Variants in ZRANB3 observed in about 807,000 individuals in gnomAD.
The protein encoded by ZRANB3 is DNA annealing helicase and endonuclease ZRANB3.
Under a neutral mutation model 133.8 loss-of-function variants are expected in ZRANB3, and 125 were observed. That is an observed-to-expected ratio of 0.93 (90% CI 0.81 to 1.08). The LOEUF (loss-of-function observed/expected upper bound fraction) is 1.08. Among genes scored for constraint, ZRANB3 ranks in the 50% least tolerant of loss-of-function variants. The pLI is 0.00. For missense variants in ZRANB3, 1,229 were observed against 1,275.5 expected (o/e 0.96, Z 0.56); for synonymous variants, 387 against 432.7 (o/e 0.89, Z 1.31).
At chr2:135,361,033 G>A (rs185663306) in intron 3 of ZRANB3, among the ~76,000 whole-genome samples, 169 of 152,248 alleles carry the variant, frequency 1.1e-3, no homozygotes, top group African/African-American at 4.0e-3. Flanking sequence ...TCCTGCCTTG[G>A]CCTCCCAAAG....
chr2:135,384,425 G>A (rs1686867261), intron 3 of ZRANB3, among the ~76,000 whole-genome samples: 1 of 152,138 alleles, frequency 6.6e-6, no homozygotes, highest in South Asian at 2.1e-4. Context: ...ACAATGAGGA[G>A]CTGGTACCAT....
intron 8 of ZRANB3, among the ~76,000 whole-genome samples, chr2:135,312,123 A>T (rs1278722624): frequency 9.9e-6 from 1 of 100,608 alleles, no homozygotes; most frequent in Non-Finnish European, 1.8e-5. Context: ...TTATTTTTTT[A>T]TTTTATTTTA....
chr2:135,229,385 T>G lies in ZRANB3; in HGVS notation c.1954+1128A>C. ...GCCAATATTTTTTTTTTTTTTTTTT[T>G]GAGACGGAGTCTCGCTCTGTTGCCC... On this transcript the variant is annotated intron_variant, in intron 13 of 20. Coordinates refer to ENST00000264159, the MANE Select transcript of ZRANB3 (RefSeq NM_032143.4). Among the ~76,000 whole-genome samples, 2 of 147,306 alleles carry G rather than the reference T, an allele frequency of 1.4e-5. 1 individual carries two copies. The highest frequency in any genetic ancestry group is 4.2e-4 in the South Asian group (2 of 4,772).
chr2:135,274,697 A>C lies in ZRANB3; in HGVS notation c.1086+939T>G, dbSNP rs554380442. Among the ~76,000 whole-genome samples, 9 of 152,068 alleles carry C rather than the reference A, an allele frequency of 5.9e-5. No individual in the cohort carries two copies. The East Asian group carries it at 1.7e-3, about 29-fold the overall frequency. On this transcript the variant is annotated intron_variant, in intron 9 of 20. Coordinates refer to ENST00000264159, the MANE Select transcript of ZRANB3 (RefSeq NM_032143.4). ...GAGGGGGATTTGGCAGGGTCATAGG[A>C]CAATAGTGGAGGGAAGGTCAGCAGA...
intron 8 of ZRANB3, among the ~76,000 whole-genome samples, chr2:135,300,901 C>A (rs2104808384): frequency 6.6e-6 from 1 of 152,324 alleles, no homozygotes; most frequent in East Asian, 1.9e-4. Flanking sequence ...ATCCACTGTA[C>A]CTGACTGCTA....
chr2:135,473,099 T>A (rs564027804), intron 2 of ZRANB3, among the ~76,000 whole-genome samples: 5 of 152,180 alleles, frequency 3.3e-5, no homozygotes, highest in Non-Finnish European at 7.3e-5. Context: ...ACTATCCATC[T>A]CCTGAACTTT....
chr2:135,399,069 T>C (rs1162883565), intron 2 of ZRANB3, among the ~76,000 whole-genome samples: 3 of 152,194 alleles, frequency 2.0e-5, no homozygotes, highest in Non-Finnish European at 4.4e-5. Context: ...ATGATGATTC[T>C]GGAGAAGATA....
At chr2:135,370,033 CTTTTTTT>C (rs548070677) in intron 3 of ZRANB3, among the ~76,000 whole-genome samples, 34 of 119,368 alleles carry the variant, frequency 2.8e-4, no homozygotes, top group African/African-American at 7.9e-4. Flanking sequence ...GGGCATGTTT[CTTTTTTT>C]TTTTTTTTTT....
At chr2:135,403,084 T>C (rs1190338115) in intron 2 of ZRANB3, among the ~76,000 whole-genome samples, 2 of 152,034 alleles carry the variant, frequency 1.3e-5, no homozygotes, top group African/African-American at 4.8e-5. Flanking sequence ...CTCATCTCAC[T>C]GGGGAGTGTC....
At chr2:135,445,470 A>G (rs1689977680) in intron 2 of ZRANB3, among the ~76,000 whole-genome samples, 1 of 152,010 alleles carries the variant, frequency 6.6e-6, no homozygotes, top group Non-Finnish European at 1.5e-5. Context: ...AGGGGAAAAT[A>G]GTGTGCTTTT....
rs372497482 is a variant in ZRANB3, at chr2:135,207,790, T to C, written c.2653A>G (p.Thr885Ala). The change falls in exon 19 of 21, where the codon ACA (threonine) becomes GCA (alanine). Residue 885 changes from threonine to alanine, a missense_variant. Physicochemically the swap from Thr to Ala is moderately conservative, Grantham distance 58. Transcript: ENST00000264159. ...GACVPFLNPY[T>A]VQADLTVKPS... ...TTCACAGTGAGATCTGCCTGGACTG[T>C]GTATGGATTTAGAAATGGGACACAG... 3 of 1,605,038 alleles carry C rather than the reference T, an allele frequency of 1.9e-6. No homozygotes were observed. The highest frequency in any genetic ancestry group is 2.6e-6 in the Non-Finnish European group (3 of 1,172,366).
chr2:135,224,571 T>TA, intron 14 of ZRANB3, 54 bp from the exon 15 acceptor site: 5 of 1,307,684 alleles, frequency 3.8e-6, no homozygotes, highest in Non-Finnish European at 5.4e-6. Flanking sequence ...CTATCTAAAA[T>TA]AGCTTATTTT....
chr2:135,510,855 T>A lies in ZRANB3; in HGVS notation c.-7-6359A>T, dbSNP rs1226289814. The stretch of plus-strand genomic sequence containing the variant: ...AATGTGCAACTCCACCACGTTCCCA[T>A]AATTTTGAAAGAAATCTTTAAGCTC... On this transcript the variant is annotated intron_variant, in intron 1 of 20. Coordinates refer to ENST00000264159, the MANE Select transcript of ZRANB3 (RefSeq NM_032143.4). 7.2e-6 allele frequency: 8 copies of A among 1,117,752 alleles called. No individual in the cohort carries two copies. The African/African-American group carries it at 1.2e-4, about 17-fold the overall frequency. 69.2% of individuals were successfully genotyped at this position (1,117,752 alleles called of 1,614,324 possible).
At chr2:135,506,392 A>G (rs1693192123) in intron 1 of ZRANB3, among the ~76,000 whole-genome samples, 1 of 152,166 alleles carries the variant, frequency 6.6e-6, no homozygotes, top group Non-Finnish European at 1.5e-5. Context: ...TTCATCTCAA[A>G]AAAAAGAAAA....
intron 2 of ZRANB3, among the ~76,000 whole-genome samples, chr2:135,495,946 T>C (rs1692641724): frequency 6.6e-6 from 1 of 152,214 alleles, no homozygotes; most frequent in Non-Finnish European, 1.5e-5. Context: ...AAATTAATGA[T>C]CAAAATTCAT....
chr2:135,261,236 C>T (rs1204167263), intron 12 of ZRANB3, among the ~76,000 whole-genome samples: 2 of 152,154 alleles, frequency 1.3e-5, no homozygotes, highest in East Asian at 3.9e-4. Flanking sequence ...TAGGAAAATT[C>T]CCGTTGGAAA....
chr2:135,393,714 G>GA (rs1281608582), intron 2 of ZRANB3, among the ~76,000 whole-genome samples: 2 of 151,936 alleles, frequency 1.3e-5, no homozygotes, highest in African/African-American at 4.8e-5. Flanking sequence ...TACAAATAAA[G>GA]AAAAAATCTT....
chr2:135,481,222 G>A (rs371597933), intron 2 of ZRANB3, among the ~76,000 whole-genome samples: 1 of 150,982 alleles, frequency 6.6e-6, no homozygotes, highest in African/African-American at 2.4e-5. Flanking sequence ...CTAGTTTACA[G>A]TCCCACCAAC....
At chr2:135,317,517 T>C (rs1301072086) in intron 6 of ZRANB3, among the ~76,000 whole-genome samples, 4 of 152,312 alleles carry the variant, frequency 2.6e-5, no homozygotes, top group Admixed American at 6.5e-5. Flanking sequence ...TGGAGGCCTT[T>C]TGGTATGACT....
Sources: gnomAD v4.1 joint callset for allele counts (sites outside exome capture counted in the v4.1 genomes callset) on GRCh38, gnomAD v4.1.1 for gene constraint, MANE v1.5 for transcripts, NCBI Gene and HGNC (gene_info 2026-07-23, HGNC 2026-07-21) for gene names.